Variants in PPP2R5C observed in about 807,000 individuals in gnomAD.
The protein encoded by PPP2R5C is protein phosphatase 2 regulatory subunit B'gamma, also known as serine/threonine-protein phosphatase 2A 56 kDa regulatory subunit gamma isoform.
In PPP2R5C, 7 loss-of-function variants were observed where a neutral mutation model predicts 68.9. That is an observed-to-expected ratio of 0.10 (90% CI 0.06 to 0.19). The LOEUF (loss-of-function observed/expected upper bound fraction) is 0.19. Ranked by LOEUF, PPP2R5C falls within the 10% of genes least tolerant of loss-of-function variation. The pLI is 1.00. For synonymous variants in PPP2R5C, 210 were observed against 222.2 expected (o/e 0.95, Z 0.49); for missense variants, 348 against 641.3 (o/e 0.54, Z 4.94).
chr14:101,765,149 TC>T, intron 2 of PPP2R5C: 1 of 702,778 alleles, frequency 1.4e-6, no homozygotes, highest in Non-Finnish European at 2.6e-6. Context: ...TTGTATTTTT[TC>T]TAGTGCTACT....
intron 2 of PPP2R5C, chr14:101,766,368 T>G (rs1456644774): frequency 6.6e-6 from 1 of 152,222 alleles, no homozygotes; most frequent in Non-Finnish European, 1.5e-5. Context: ...TCACCTAACT[T>G]GTGTGACCCT....
At chr14:101,925,021 C>T in intron 13 of PPP2R5C, 120 bp from the exon 16 acceptor site, 1 of 1,149,216 alleles carries the variant, frequency 8.7e-7, no homozygotes, top group Non-Finnish European at 1.3e-6. Context: ...GCCAGGGTGC[C>T]GCCAGCGAGT....
intron 12 of PPP2R5C, chr14:101,914,029 A>G (rs2046525204): frequency 2.8e-6 from 1 of 361,570 alleles, no homozygotes; most frequent in African/African-American, 2.1e-5. Context: ...CAGTTTCACT[A>G]CTGCACATAC....
intron 3 of PPP2R5C, among the ~76,000 whole-genome samples, chr14:101,804,681 T>G (rs2039005876): frequency 6.6e-6 from 1 of 151,790 alleles, no homozygotes; most frequent in African/African-American, 2.4e-5. Context: ...ATTGAACTCA[T>G]GGACATAGAG....
intron 2 of PPP2R5C, among the ~76,000 whole-genome samples, chr14:101,874,319 A>G (rs963357253): frequency 6.6e-6 from 1 of 152,270 alleles, no homozygotes; most frequent in Non-Finnish European, 1.5e-5. Flanking sequence ...AGAATACATG[A>G]TAAAGCAAAT....
intron 2 of PPP2R5C, among the ~76,000 whole-genome samples, chr14:101,875,545 A>T (rs985512906): frequency 6.6e-6 from 1 of 152,200 alleles, no homozygotes; most frequent in African/African-American, 2.4e-5. Context: ...ATTTACTCTC[A>T]GCAAGTGTTT....
At chr14:101,869,506 C>G (rs978807211) in intron 2 of PPP2R5C, among the ~76,000 whole-genome samples, 1 of 152,152 alleles carries the variant, frequency 6.6e-6, no homozygotes, top group African/African-American at 2.4e-5. Flanking sequence ...ACTGCCAAAC[C>G]GTTTTCCAAA....
chr14:101,810,937 C>T (rs2039323591), intron 1 of PPP2R5C, among the ~76,000 whole-genome samples: 1 of 152,118 alleles, frequency 6.6e-6, no homozygotes, highest in Non-Finnish European at 1.5e-5. Context: ...TGATTTTAAG[C>T]TTCATCAGAT....
At chr14:101,784,540 G>T (rs1411438909) in intron 2 of PPP2R5C, among the ~76,000 whole-genome samples, 1 of 151,876 alleles carries the variant, frequency 6.6e-6, no homozygotes, top group Non-Finnish European at 1.5e-5. Flanking sequence ...ACACTTGTAA[G>T]TCATCAGATC....
At chr14:101,894,127 A>C (rs1166909132) in intron 7 of PPP2R5C, among the ~76,000 whole-genome samples, 1 of 152,246 alleles carries the variant, frequency 6.6e-6, no homozygotes. Flanking sequence ...AGATTATCAT[A>C]TTGTTGTACA....
rs1322451175 is a variant in PPP2R5C, at chr14:101,893,190, T to A, written c.798+82T>A. The A allele has an allele frequency of 1.9e-5, 18 of 956,456 alleles. 1 individual carries two copies. In the East Asian group the frequency reaches 4.4e-4, roughly 24 times the overall value. 59.2% of individuals were successfully genotyped at this position (956,456 alleles called of 1,614,324 possible). ...ACGAGATAGTGAATCCGGCCTTGAC[T>A]GAGAGTGCTTTCTTCTTTATAGGCC... is the stretch of plus-strand genomic sequence containing the variant. On this transcript the variant is annotated intron_variant, in intron 7 of 13. Transcript: ENST00000334743.
upstream of PPP2R5C, chr14:101,761,828 G>T: frequency 1.0e-6 from 1 of 987,178 alleles, no homozygotes; most frequent in Non-Finnish European, 1.2e-6. Flanking sequence ...GCCGGGGCGG[G>T]GGCGCTGCTG....
chr14:101,810,160 C>T, intron 1 of PPP2R5C: 1 of 894,120 alleles, frequency 1.1e-6, no homozygotes, highest in Admixed American at 2.5e-5. Flanking sequence ...TCGCTGCAGA[C>T]TTAACCAGAG....
rs1280742195 is a variant in PPP2R5C at position 101,913,065 on chromosome 14, C to CGGG, written c.1326+594_1326+596dup. ...CGGAGCTGCCGGCAGTTCCAGCTGC[C>CGGG]GGGGCTGCCAGGGTCCGGGAGGGTT... On this transcript the variant is annotated intron_variant, in intron 12 of 13. Transcript: ENST00000334743. The surrounding 1 kb of genome is among the most constrained non-coding windows in gnomAD (Gnocchi z 4.1). Among the ~76,000 whole-genome samples, 1 of 152,182 alleles carries CGGG rather than the reference C, an allele frequency of 6.6e-6. No individual in the cohort carries two copies. The highest frequency in any genetic ancestry group is 1.9e-4 in the East Asian group (1 of 5,198).
chr14:101,816,898 AAATATATATATAATATATATATTTATAT>A (rs1432930902), intron 1 of PPP2R5C, among the ~76,000 whole-genome samples: 2 of 126,902 alleles, frequency 1.6e-5, no homozygotes, highest in East Asian at 2.1e-4. Flanking sequence ...TATATTATAT[AAATATATATATAATATATATATTTATAT>A]AATATATATA....
chr14:101,776,417 A>G (rs2037425500), intron 2 of PPP2R5C, among the ~76,000 whole-genome samples: 1 of 152,138 alleles, frequency 6.6e-6, no homozygotes, highest in Non-Finnish European at 1.5e-5. Context: ...TATCATTTTA[A>G]GATAGATACC....
chr14:101,765,046 T>C (rs2036779610), intron 2 of PPP2R5C: 7 of 638,672 alleles, frequency 1.1e-5, no homozygotes, highest in Non-Finnish European at 2.0e-5. Context: ...AAATCACTAC[T>C]ATGTGAAATG....
In PPP2R5C at chr14:101,915,403, G is replaced by C. The variant is rs2046615190; in HGVS notation, c.1327-2428G>C. 6.6e-6 allele frequency among the ~76,000 whole-genome samples: 1 copy of C among 152,114 alleles called. No homozygotes were observed. The highest frequency in any genetic ancestry group is 1.5e-5 in the Non-Finnish European group (1 of 68,010). On this transcript the variant is annotated intron_variant, in intron 12 of 13. Transcript: ENST00000334743. This position sits in a 1 kb window ranked among gnomAD's most constrained non-coding sequence, Gnocchi z 4.2. ...CCTTCAGTGAAGGTTTTTATTCCTA[G>C]TCAGAACCCTCTCCTGCCAGTGCCC...
At chr14:101,865,484 AC>A (rs1410946127) in intron 2 of PPP2R5C, among the ~76,000 whole-genome samples, 1 of 152,190 alleles carries the variant, frequency 6.6e-6, no homozygotes, top group Non-Finnish European at 1.5e-5. Flanking sequence ...TGTGACTCAG[AC>A]TGGGTCATGT....
Sources: gnomAD v4.1 joint callset for allele counts (sites outside exome capture counted in the v4.1 genomes callset) on GRCh38, gnomAD v4.1.1 for gene constraint, Gnocchi (gnomAD v3.1) non-coding constraint, MANE v1.5 for transcripts, NCBI Gene and HGNC (gene_info 2026-07-23, HGNC 2026-07-21) for gene names.